Variants in SDAD1 observed in about 807,000 individuals in gnomAD.
The protein encoded by SDAD1 is protein SDA1 homolog.
A neutral mutation model predicts 100.3 loss-of-function variants in SDAD1; 79 were observed. The observed-to-expected ratio is 0.79, with a 90% confidence interval of 0.66 to 0.95. The LOEUF (loss-of-function observed/expected upper bound fraction) is 0.95. Ranked by LOEUF, SDAD1 falls within the 40% of genes least tolerant of loss-of-function variation. The pLI, the probability that SDAD1 is intolerant of heterozygous loss-of-function variation, is 0.00. For synonymous variants in SDAD1, 267 were observed against 271.4 expected, an observed-to-expected ratio of 0.98 and a Z score of 0.16; for missense variants, 790 against 810.9, an observed-to-expected ratio of 0.97 and a Z score of 0.31.
chr4:75,964,025 C>G, intron 14 of SDAD1, 110 bp downstream of exon 14: 1 of 716,578 alleles, frequency 1.4e-6, no homozygotes, highest in East Asian at 2.9e-5. Context: ...ATATTTTAAA[C>G]CAATTTTATA....
chr4:75,964,054 A>T, intron 14 of SDAD1, 81 bp downstream of exon 14: 1 of 907,814 alleles, frequency 1.1e-6, no homozygotes, highest in Non-Finnish European at 1.8e-6. Flanking sequence ...ACTACCAGCT[A>T]CAATCTTACA....
chr4:75,961,638 A>G (rs1418408682), intron 14 of SDAD1, among the ~76,000 whole-genome samples: 1 of 152,192 alleles, frequency 6.6e-6, no homozygotes, highest in African/African-American at 2.4e-5. Flanking sequence ...ATCCTGCAAT[A>G]TTTTCCAAGG....
intron 3 of SDAD1, among the ~76,000 whole-genome samples, 160 bp from the exon 4 acceptor site, chr4:75,977,916 T>C (rs1275244075): frequency 1.3e-5 from 2 of 152,128 alleles, no homozygotes; most frequent in African/African-American, 2.4e-5. Context: ...ACACTGGGGA[T>C]AGAGCAGAAC....
At chr4:75,982,220 C>T (rs536878553) in intron 1 of SDAD1, among the ~76,000 whole-genome samples, 183 bp from the exon 2 acceptor site, 1 of 152,306 alleles carries the variant, frequency 6.6e-6, no homozygotes, top group South Asian at 2.1e-4. Context: ...TTTTTAAAGA[C>T]CTGAGCACAT....
At chr4:75,974,940 G>A (rs1166576828) in intron 6 of SDAD1, among the ~76,000 whole-genome samples, 1 of 151,400 alleles carries the variant, frequency 6.6e-6, no homozygotes, top group Non-Finnish European at 1.5e-5. Context: ...TACTCGGGAG[G>A]CTGAGGCAGG....
intron 1 of SDAD1, among the ~76,000 whole-genome samples, chr4:75,985,580 A>C (rs1483088088): frequency 1.3e-5 from 2 of 152,132 alleles, no homozygotes; most frequent in Non-Finnish European, 2.9e-5. Context: ...CTCTTTGCTC[A>C]CTGTCTTCTC....
chr4:75,954,442 G>A (rs1578110271), intron 21 of SDAD1, among the ~76,000 whole-genome samples: 1 of 151,594 alleles, frequency 6.6e-6, no homozygotes, highest in African/African-American at 2.4e-5. Flanking sequence ...GGAGGCTGAG[G>A]TGGACAGACT....
At chr4:75,987,690 T>C (rs1026222888) in intron 1 of SDAD1, among the ~76,000 whole-genome samples, 2 of 152,042 alleles carry the variant, frequency 1.3e-5, no homozygotes, top group Non-Finnish European at 2.9e-5. Context: ...TTAGTAGAGA[T>C]GGGGTTTCAC....
intron 21 of SDAD1, among the ~76,000 whole-genome samples, chr4:75,954,152 C>T (rs1406144195): frequency 3.3e-5 from 5 of 152,062 alleles, no homozygotes; most frequent in African/African-American, 1.2e-4. Context: ...GAGACCGAGG[C>T]AGGCAGATCA....
chr4:75,953,243 T>C (rs1258537131), intron 21 of SDAD1, among the ~76,000 whole-genome samples: 1 of 152,224 alleles, frequency 6.6e-6, no homozygotes, highest in African/African-American at 2.4e-5. Flanking sequence ...TGACTCGAGG[T>C]GCTTGAAAGG....
rs770286488 is a variant in SDAD1, at chr4:75,981,918, C to A, written c.195+15G>T. ...GTGTTAATACTGGTCTTTATTTAAG[C>A]AATTATATTCTTACCTGTGCCATAA... is the stretch of plus-strand genomic sequence containing the variant. On this transcript the variant is annotated intron_variant, in intron 2 of 21. Coordinates refer to ENST00000356260, the MANE Select transcript of SDAD1 (RefSeq NM_018115.4). 1.2e-5 allele frequency: 18 copies of A among 1,542,782 alleles called. No homozygotes were observed. The Middle Eastern group carries it at 6.9e-4, about 60-fold the overall frequency.
chr4:75,984,762 TACACAC>T (rs796775726), intron 1 of SDAD1, among the ~76,000 whole-genome samples: 25 of 72,892 alleles, frequency 3.4e-4, no homozygotes, highest in African/African-American at 1.3e-3. Flanking sequence ...TTATGTGACA[TACACAC>T]ACACACACAA....
chr4:75,956,993 C>T (rs1272799094), intron 20 of SDAD1, among the ~76,000 whole-genome samples: 1 of 152,098 alleles, frequency 6.6e-6, no homozygotes, highest in Non-Finnish European at 1.5e-5. Flanking sequence ...ACCTGTTACC[C>T]CAGCTACTTA....
chr4:75,976,115 C>A, intron 4 of SDAD1, 120 bp from the exon 5 acceptor site: 1 of 618,986 alleles, frequency 1.6e-6, no homozygotes, highest in Non-Finnish European at 2.7e-6. Flanking sequence ...TCATTCTATC[C>A]CAAAAGAAAC....
chr4:75,986,519 C>T (rs556085796), intron 1 of SDAD1, among the ~76,000 whole-genome samples: 1 of 152,270 alleles, frequency 6.6e-6, no homozygotes, highest in South Asian at 2.1e-4. Flanking sequence ...ACTTTACCTT[C>T]TCTCCTACTA....
rs754021520 is a variant in SDAD1, at chr4:75,964,128, T to C, written c.1181+7A>G. 5 of 1,595,738 alleles carry C rather than the reference T, an allele frequency of 3.1e-6. No homozygotes were observed. Among genetic ancestry groups the C allele is most frequent in the Non-Finnish European group, 4.3e-6 (5 of 1,165,214 alleles). ...GTATCTTCTGCCTCCAACCAGATTC[T>C]ACATACCCTACTGTCATGACTTCTC... On this transcript the variant is annotated splice_region_variant and intron_variant, in intron 14 of 21. Transcript: ENST00000356260.
At chr4:75,970,199 G>T in intron 10 of SDAD1, 110 bp downstream of exon 10, 2 of 833,428 alleles carry the variant, frequency 2.4e-6, no homozygotes, top group Non-Finnish European at 3.9e-6. Context: ...AGCATTTATT[G>T]ACTATCTACT....
chr4:75,964,549 C>T (rs946379341), intron 13 of SDAD1, among the ~76,000 whole-genome samples: 1 of 139,136 alleles, frequency 7.2e-6, no homozygotes, highest in African/African-American at 2.5e-5. Flanking sequence ...ATGAGACGTA[C>T]AACTGAACTT....
chr4:75,959,437 C>G (rs1729106542), intron 17 of SDAD1, among the ~76,000 whole-genome samples: 1 of 151,890 alleles, frequency 6.6e-6, no homozygotes, highest in Non-Finnish European at 1.5e-5. Flanking sequence ...AACCCTATCT[C>G]TACTAAAAAT....
Sources: gnomAD v4.1 joint callset for allele counts (sites outside exome capture counted in the v4.1 genomes callset) on GRCh38, gnomAD v4.1.1 for gene constraint, MANE v1.5 for transcripts, NCBI Gene and HGNC (gene_info 2026-07-23, HGNC 2026-07-21) for gene names.